RPS6KC1: variants seen among roughly 807,000 people sequenced by gnomAD.
RPS6KC1 encodes ribosomal protein S6 kinase C1, also known as inactive ribosomal protein S6 kinase delta-1.
In RPS6KC1, 54 loss-of-function variants were observed where a neutral mutation model predicts 103.8. That is an observed-to-expected ratio of 0.52 (90% CI 0.42 to 0.65). The LOEUF is 0.65. Among genes scored for constraint, RPS6KC1 ranks in the 30% least tolerant of loss-of-function variants. RPS6KC1 has a pLI of 0.00. For synonymous variants in RPS6KC1, 439 were observed against 438.7 expected, an observed-to-expected ratio of 1.00 and a Z score of -0.01; for missense variants, 1,151 against 1,253.8, an observed-to-expected ratio of 0.92 and a Z score of 1.24.
the RPS6KC1 span, among the ~76,000 whole-genome samples, chr1:213,509,219 A>C: frequency 6.6e-6 from 1 of 152,224 alleles, no homozygotes; most frequent in South Asian, 2.1e-4. Flanking sequence ...CACATGGCTA[A>C]AGACCAAATC....
chr1:213,570,137 A>G, the RPS6KC1 span, among the ~76,000 whole-genome samples: 1,022 of 152,302 alleles, frequency 6.7e-3, 10 homozygotes, highest in African/African-American at 0.02. Flanking sequence ...CAGACCTGGG[A>G]AGCCTGGGTG....
chr1:213,674,059 C>A, the RPS6KC1 span, among the ~76,000 whole-genome samples: 1 of 152,068 alleles, frequency 6.6e-6, no homozygotes, highest in South Asian at 2.1e-4. Context: ...CGCTATGTTG[C>A]CCAGGTTGGA....
At chr1:213,218,101 AC>A (rs1356300583) in intron 8 of RPS6KC1, among the ~76,000 whole-genome samples, 3 of 151,786 alleles carry the variant, frequency 2.0e-5, no homozygotes. Flanking sequence ...TTTGCAGATG[AC>A]ATGATTATAT....
chr1:213,488,628 A>T, the RPS6KC1 span, among the ~76,000 whole-genome samples: 1 of 152,224 alleles, frequency 6.6e-6, no homozygotes, highest in Non-Finnish European at 1.5e-5. Flanking sequence ...CTGAAGCAGT[A>T]AATATGCGAA....
At chr1:213,314,748 C>A in the RPS6KC1 span, among the ~76,000 whole-genome samples, 1 of 151,154 alleles carries the variant, frequency 6.6e-6, no homozygotes, top group African/African-American at 2.4e-5. Flanking sequence ...TTATGAATTG[C>A]CCAAAATAAG....
chr1:213,424,273 T>G, the RPS6KC1 span, among the ~76,000 whole-genome samples: 1 of 152,318 alleles, frequency 6.6e-6, no homozygotes, highest in South Asian at 2.1e-4. Context: ...TTGTTTTTGT[T>G]TTGTGTTTTC....
the RPS6KC1 span, among the ~76,000 whole-genome samples, chr1:213,602,160 TTCTTTCTTTC>T: frequency 9.4e-6 from 1 of 106,660 alleles, no homozygotes; most frequent in Non-Finnish European, 1.8e-5. Flanking sequence ...CTTTCTTTCT[TTCTTTCTTTC>T]TTTCTTTCTT....
the RPS6KC1 span, among the ~76,000 whole-genome samples, chr1:213,585,009 A>G: frequency 6.6e-6 from 1 of 152,238 alleles, no homozygotes; most frequent in Non-Finnish European, 1.5e-5. Context: ...TGGGACATAC[A>G]TTCAGACCTG....
intron 4 of RPS6KC1, among the ~76,000 whole-genome samples, chr1:213,106,805 T>C (rs769638129): frequency 1.3e-5 from 2 of 152,206 alleles, no homozygotes; most frequent in Non-Finnish European, 2.9e-5. Flanking sequence ...TATCTATACC[T>C]TTCCATCCCA....
intron 8 of RPS6KC1, among the ~76,000 whole-genome samples, chr1:213,214,122 C>G (rs1390535056): frequency 3.3e-5 from 5 of 152,224 alleles, no homozygotes; most frequent in Non-Finnish European, 5.9e-5. Context: ...AATTCCCTTT[C>G]ATAGCCAAGG....
At chr1:213,092,745 G>A (rs539046269) in intron 3 of RPS6KC1, among the ~76,000 whole-genome samples, 16 of 150,646 alleles carry the variant, frequency 1.1e-4, no homozygotes, top group South Asian at 1.0e-3. Flanking sequence ...CAAAACAAAC[G>A]CGTATAATGA....
chr1:213,394,153 T>G, the RPS6KC1 span, among the ~76,000 whole-genome samples: 3 of 152,106 alleles, frequency 2.0e-5, no homozygotes, highest in South Asian at 6.2e-4. Context: ...GAAGGGGCAA[T>G]ACAGTTGGCT....
intron 6 of RPS6KC1, among the ~76,000 whole-genome samples, chr1:213,143,180 T>C (rs191841327): frequency 6.6e-6 from 1 of 152,058 alleles, no homozygotes; most frequent in African/African-American, 2.4e-5. Context: ...TTAGTAGATA[T>C]TCAACTGTTT....
the RPS6KC1 span, among the ~76,000 whole-genome samples, chr1:213,768,114 T>C: frequency 6.6e-6 from 1 of 152,166 alleles, no homozygotes; most frequent in African/African-American, 2.4e-5. Context: ...AAAGATTCTG[T>C]TAGGGAGTAC....
At chr1:213,473,310 C>G in the RPS6KC1 span, among the ~76,000 whole-genome samples, 1 of 152,236 alleles carries the variant, frequency 6.6e-6, no homozygotes, top group Non-Finnish European at 1.5e-5. Flanking sequence ...GCACTTTGTG[C>G]AAAATCTGCT....
the RPS6KC1 span, among the ~76,000 whole-genome samples, chr1:213,774,171 A>G: frequency 2.0e-5 from 3 of 152,190 alleles, no homozygotes; most frequent in Non-Finnish European, 2.9e-5. Context: ...GAAATAATTT[A>G]CTGTCCAGTC....
At chr1:213,075,522 A>G (rs1203556426) in intron 2 of RPS6KC1, among the ~76,000 whole-genome samples, 1 of 152,060 alleles carries the variant, frequency 6.6e-6, no homozygotes, top group African/African-American at 2.4e-5. Flanking sequence ...TTGCTCTTCA[A>G]CCCTAAACCT....
the RPS6KC1 span, among the ~76,000 whole-genome samples, chr1:213,655,613 G>C: frequency 6.6e-6 from 1 of 152,154 alleles, no homozygotes; most frequent in East Asian, 1.9e-4. Flanking sequence ...TTCAAAATTA[G>C]GTCATCTCAT....
chr1:213,779,472 C>T, the RPS6KC1 span, among the ~76,000 whole-genome samples: 1 of 152,206 alleles, frequency 6.6e-6, no homozygotes, highest in South Asian at 2.1e-4. Flanking sequence ...CTCATGGATT[C>T]ATGGCAGTTT....
Sources: gnomAD v4.1 joint callset for allele counts (sites outside exome capture counted in the v4.1 genomes callset) on GRCh38, gnomAD v4.1.1 for gene constraint, MANE v1.5 for transcripts, NCBI Gene and HGNC (gene_info 2026-07-23, HGNC 2026-07-21) for gene names.